Variants in CADM2 observed in about 807,000 individuals in gnomAD.
CADM2 encodes immunoglobulin superfamily member 4D.
In CADM2, 12 loss-of-function variants were observed where a neutral mutation model predicts 49.8. That is an observed-to-expected ratio of 0.24 (90% CI 0.15 to 0.39). The LOEUF (loss-of-function observed/expected upper bound fraction) is 0.39. Among genes scored for constraint, CADM2 ranks in the 10% least tolerant of loss-of-function variants. CADM2 has a pLI of 1.00. For missense variants in CADM2, 378 were observed against 492.3 expected (o/e 0.77, Z 2.20); for synonymous variants, 214 against 175.4 (o/e 1.22, Z -1.74).
chr3:85,058,259 A>C (rs2036168747), intron 1 of CADM2, among the ~76,000 whole-genome samples: 1 of 152,134 alleles, frequency 6.6e-6, no homozygotes, highest in East Asian at 1.9e-4. Flanking sequence ...GTTACATTTA[A>C]AAAAGGATCT....
chr3:86,021,894 A>G (rs1733240201), intron 8 of CADM2, among the ~76,000 whole-genome samples: 1 of 152,176 alleles, frequency 6.6e-6, no homozygotes, highest in Non-Finnish European at 1.5e-5. Context: ...GAGCAAGTCT[A>G]GAGATCTAAT....
chr3:85,290,149 G>A (rs931668387), intron 1 of CADM2, among the ~76,000 whole-genome samples: 2 of 152,130 alleles, frequency 1.3e-5, no homozygotes, highest in Non-Finnish European at 2.9e-5. Flanking sequence ...GGGTCAGGGA[G>A]TTCCCTTTCC....
rs78850352 is a variant in CADM2, at chr3:85,766,999, T to C, written c.89-35048T>C. ...CTCCCACAGGGTATGAAACAACAAATTGACTCAATAAAAATTTATGTTGAT... is the reference window on the plus strand; with the variant it reads ...CTCCCACAGGGTATGAAACAACAAACTGACTCAATAAAAATTTATGTTGAT... On this transcript the variant is annotated intron_variant, in intron 2 of 9. Transcript: ENST00000383699. Among the ~76,000 whole-genome samples, 47 of 152,280 alleles carry C rather than the reference T, an allele frequency of 3.1e-4. 2 individuals are homozygous for C. The East Asian group carries it at 9.1e-3, about 29-fold the overall frequency.
At chr3:85,511,143 C>T (rs949173848) in intron 1 of CADM2, among the ~76,000 whole-genome samples, 1 of 152,050 alleles carries the variant, frequency 6.6e-6, no homozygotes, top group African/African-American at 2.4e-5. Context: ...GCACACCTCA[C>T]CCCTAGGAAG....
At chr3:85,866,171 C>T (rs566818458) in intron 3 of CADM2, among the ~76,000 whole-genome samples, 1 of 151,930 alleles carries the variant, frequency 6.6e-6, no homozygotes. Flanking sequence ...AGAAAAACCC[C>T]GAAGTGGACA....
chr3:85,592,653 A>T (rs571666052), intron 1 of CADM2, among the ~76,000 whole-genome samples: 1 of 152,038 alleles, frequency 6.6e-6, no homozygotes, highest in African/African-American at 2.4e-5. Context: ...GAATTTAGGT[A>T]AGAAATATAA....
chr3:85,334,835 G>A (rs2045033584), intron 1 of CADM2, among the ~76,000 whole-genome samples: 1 of 151,356 alleles, frequency 6.6e-6, no homozygotes, highest in African/African-American at 2.4e-5. Context: ...ATTAGAGGCT[G>A]TAGTTTCTCA....
chr3:85,934,962 T>A (rs980134690), intron 6 of CADM2, among the ~76,000 whole-genome samples: 5 of 152,000 alleles, frequency 3.3e-5, no homozygotes, highest in African/African-American at 1.2e-4. Flanking sequence ...CAAAGCCTCA[T>A]AAAGAAAGAA....
chr3:84,991,047 A>G (rs1376546347), intron 1 of CADM2, among the ~76,000 whole-genome samples: 2 of 152,076 alleles, frequency 1.3e-5, no homozygotes, highest in African/African-American at 4.8e-5. Context: ...TACTCATTGA[A>G]TGAGCCAAAT....
chr3:85,423,113 C>T (rs537274580), intron 1 of CADM2, among the ~76,000 whole-genome samples: 140 of 152,114 alleles, frequency 9.2e-4, no homozygotes, highest in South Asian at 1.7e-3. Context: ...GATCTTCCCC[C>T]GGAGTTCGGC....
intron 8 of CADM2, chr3:86,013,744 A>G: frequency 6.3e-7 from 1 of 1,593,042 alleles, no homozygotes; most frequent in South Asian, 1.1e-5. Context: ...TATGAAGCTG[A>G]TGCAGAAATT....
intron 8 of CADM2, among the ~76,000 whole-genome samples, chr3:86,005,022 A>G (rs1001838733): frequency 1.3e-5 from 2 of 152,240 alleles, no homozygotes; most frequent in South Asian, 2.1e-4. Context: ...GTTAATTCCC[A>G]GAAAAAGCAA....
At chr3:86,037,698 G>A (rs751392571) in intron 8 of CADM2, among the ~76,000 whole-genome samples, 45 of 152,170 alleles carry the variant, frequency 3.0e-4, no homozygotes, top group African/African-American at 9.6e-4. Flanking sequence ...TTAAGAAATT[G>A]CATTCTTTAC....
chr3:85,681,750 C>T (rs2107658337), intron 1 of CADM2, among the ~76,000 whole-genome samples: 1 of 152,036 alleles, frequency 6.6e-6, no homozygotes, highest in Non-Finnish European at 1.5e-5. Context: ...TTCATAGTAG[C>T]ACAGAGAAAA....
At chr3:85,568,961 C>T (rs147840065) in intron 1 of CADM2, among the ~76,000 whole-genome samples, 229 of 152,202 alleles carry the variant, frequency 1.5e-3, no homozygotes, top group African/African-American at 4.8e-3. Flanking sequence ...TTTAATCAAA[C>T]GTCTCAATTT....
At chr3:85,192,931 T>A (rs1408389735) in intron 1 of CADM2, among the ~76,000 whole-genome samples, 1 of 152,090 alleles carries the variant, frequency 6.6e-6, no homozygotes, top group Non-Finnish European at 1.5e-5. Flanking sequence ...TTTAAGGAGA[T>A]TCTTCTGGAA....
intron 1 of CADM2, among the ~76,000 whole-genome samples, chr3:85,411,150 T>G (rs1000080394): frequency 3.9e-5 from 6 of 152,208 alleles, no homozygotes; most frequent in African/African-American, 1.4e-4. Context: ...CATGCTGTTG[T>G]AAACTGATCT....
intron 1 of CADM2, among the ~76,000 whole-genome samples, chr3:85,188,900 G>A (rs1273077989): frequency 2.6e-5 from 4 of 151,564 alleles, no homozygotes; most frequent in East Asian, 1.9e-4. Context: ...GCGTGGTGGC[G>A]GGCACTTGTA....
At chr3:85,862,770 T>G (rs935834582) in intron 3 of CADM2, among the ~76,000 whole-genome samples, 1 of 152,146 alleles carries the variant, frequency 6.6e-6, no homozygotes, top group African/African-American at 2.4e-5. Context: ...TCAGAATGGC[T>G]TGGTCCATAG....
Sources: gnomAD v4.1 joint callset for allele counts (sites outside exome capture counted in the v4.1 genomes callset) on GRCh38, gnomAD v4.1.1 for gene constraint, MANE v1.5 for transcripts, NCBI Gene and HGNC (gene_info 2026-07-23, HGNC 2026-07-21) for gene names.